The following PTPRT variants were observed in gnomAD, a reference collection of about 807,000 sequenced individuals.
PTPRT encodes the protein receptor-type tyrosine-protein phosphatase T.
PTPRT carries 56 observed loss-of-function variants against 176.8 expected under a neutral mutation model. The ratio of observed to expected loss-of-function variants is 0.32; its 90% CI spans 0.26 to 0.40. PTPRT has a LOEUF of 0.40. Among genes scored for constraint, PTPRT ranks in the 10% least tolerant of loss-of-function variants. The pLI, the probability that PTPRT is intolerant of heterozygous loss-of-function variation, is 1.00. For missense variants in PTPRT, 1,540 were observed against 1,908.2 expected (o/e 0.81, Z 3.60); for synonymous variants, 783 against 739.0 (o/e 1.06, Z -0.96).
intron 1 of PTPRT, among the ~76,000 whole-genome samples, chr20:43,010,184 C>T (rs1985046213): frequency 6.6e-6 from 1 of 152,130 alleles, no homozygotes; most frequent in Non-Finnish European, 1.5e-5. Flanking sequence ...CACTGACCCA[C>T]CTGTGTCCTC....
At chr20:42,543,896 T>C (rs1257476054) in intron 7 of PTPRT, among the ~76,000 whole-genome samples, 1 of 152,152 alleles carries the variant, frequency 6.6e-6, no homozygotes, top group African/African-American at 2.4e-5. Flanking sequence ...AATAAATCTT[T>C]TATTTCTGAG....
intron 29 of PTPRT, among the ~76,000 whole-genome samples, chr20:42,083,788 T>C (rs1983599688): frequency 6.6e-6 from 1 of 152,212 alleles, no homozygotes; most frequent in African/African-American, 2.4e-5. Context: ...TCAATGACTT[T>C]TCCTCAAATC....
intron 7 of PTPRT, among the ~76,000 whole-genome samples, chr20:42,526,566 G>A (rs1182629593): frequency 6.6e-6 from 1 of 152,104 alleles, no homozygotes; most frequent in Non-Finnish European, 1.5e-5. Flanking sequence ...TTTAAAATTA[G>A]TAGTGATAAA....
chr20:42,498,102 A>G (rs1217255115), intron 7 of PTPRT, among the ~76,000 whole-genome samples: 1 of 152,192 alleles, frequency 6.6e-6, no homozygotes, highest in African/African-American at 2.4e-5. Context: ...TGCACCAAAC[A>G]TGATGAAAAA....
chr20:42,873,745 T>C (rs1205946072), intron 2 of PTPRT, among the ~76,000 whole-genome samples: 3 of 152,236 alleles, frequency 2.0e-5, no homozygotes, highest in African/African-American at 4.8e-5. Context: ...ACATTTCCAG[T>C]ACTCCGTAGC....
chr20:42,201,440 C>T (rs1991442863), intron 15 of PTPRT, among the ~76,000 whole-genome samples: 1 of 152,116 alleles, frequency 6.6e-6, no homozygotes, highest in Admixed American at 6.5e-5. Flanking sequence ...TAGGTGTAGA[C>T]TTCACAGAAG....
At chr20:42,655,347 C>T (rs2075106196) in intron 7 of PTPRT, among the ~76,000 whole-genome samples, 1 of 152,002 alleles carries the variant, frequency 6.6e-6, no homozygotes, top group African/African-American at 2.4e-5. Flanking sequence ...AAAAACTGGC[C>T]GGGCATGGTA....
intron 7 of PTPRT, among the ~76,000 whole-genome samples, chr20:42,531,316 AC>A (rs2072380229): frequency 6.6e-6 from 1 of 152,232 alleles, no homozygotes; most frequent in South Asian, 2.1e-4. Flanking sequence ...TATGGGGTAG[AC>A]AAAGAGCAAT....
chr20:42,314,611 G>A (rs760938029), intron 12 of PTPRT, among the ~76,000 whole-genome samples: 3 of 151,664 alleles, frequency 2.0e-5, no homozygotes, highest in African/African-American at 4.8e-5. Flanking sequence ...ACAAACTTGT[G>A]TAATAAAACA....
chr20:42,720,720 A>G (rs940622310), intron 6 of PTPRT, among the ~76,000 whole-genome samples: 4 of 152,300 alleles, frequency 2.6e-5, no homozygotes, highest in South Asian at 2.1e-4. Flanking sequence ...GAGTATGCAG[A>G]ATTGTCCTTC....
intron 9 of PTPRT, among the ~76,000 whole-genome samples, chr20:42,363,294 ATATATATTTTTTT>A (rs2058463485): frequency 4.0e-5 from 1 of 24,950 alleles, no homozygotes; most frequent in Non-Finnish European, 6.7e-5. Flanking sequence ...ATATATATAT[ATATATATTTTTTT>A]TTTTTTTTTT....
chr20:42,737,228 G>T (rs2146282287), intron 6 of PTPRT, among the ~76,000 whole-genome samples: 1 of 152,334 alleles, frequency 6.6e-6, no homozygotes, highest in South Asian at 2.1e-4. Context: ...ACATTTGGAT[G>T]CAGAAACACA....
At chr20:42,067,558 C>T in the PTPRT span, among the ~76,000 whole-genome samples, 1 of 152,148 alleles carries the variant, frequency 6.6e-6, no homozygotes, top group African/African-American at 2.4e-5. Flanking sequence ...AAACAGGACC[C>T]CTTACCATCC....
intron 9 of PTPRT, among the ~76,000 whole-genome samples, chr20:42,444,957 A>G (rs1456892696): frequency 6.6e-6 from 1 of 152,236 alleles, no homozygotes; most frequent in Non-Finnish European, 1.5e-5. Context: ...ACTCAAGAGA[A>G]CATACTCTCA....
intron 18 of PTPRT, among the ~76,000 whole-genome samples, chr20:42,138,415 C>T (rs1988473957): frequency 6.6e-6 from 1 of 152,198 alleles, no homozygotes; most frequent in Non-Finnish European, 1.5e-5. Context: ...GTCCTGGTAA[C>T]CCCTCCTACG....
chr20:42,915,594 T>A (rs1463198376), intron 1 of PTPRT, among the ~76,000 whole-genome samples: 2 of 152,272 alleles, frequency 1.3e-5, no homozygotes, highest in East Asian at 3.9e-4. Flanking sequence ...ACTCAGTTGA[T>A]TGGTTATCTA....
chr20:42,780,744 T>C (rs1162058791), intron 3 of PTPRT, among the ~76,000 whole-genome samples: 2 of 152,194 alleles, frequency 1.3e-5, no homozygotes, highest in Non-Finnish European at 2.9e-5. Context: ...CATGAGTTGA[T>C]TCTACATTGC....
At chr20:42,719,336 A>T (rs2076272806) in intron 6 of PTPRT, among the ~76,000 whole-genome samples, 1 of 152,194 alleles carries the variant, frequency 6.6e-6, no homozygotes, top group African/African-American at 2.4e-5. Flanking sequence ...GGAACATTAT[A>T]TTTAAGGGAA....
chr20:42,642,237 G>A (rs1444234381), intron 7 of PTPRT, among the ~76,000 whole-genome samples: 2 of 152,124 alleles, frequency 1.3e-5, no homozygotes, highest in Admixed American at 6.6e-5. Flanking sequence ...GGCCTTGGGT[G>A]TGGGCTCAGA....
Sources: allele counts gnomAD v4.1 joint callset (sites outside exome capture counted in the v4.1 genomes callset), GRCh38; gene constraint gnomAD v4.1.1; transcripts MANE v1.5; gene names NCBI Gene and HGNC (gene_info 2026-07-23, HGNC 2026-07-21).